The following UBR4 variants were observed in gnomAD, a reference collection of about 807,000 sequenced individuals.
The protein encoded by UBR4 is E3 ubiquitin-protein ligase UBR4.
UBR4 carries 124 observed loss-of-function variants against 575.6 expected under a neutral mutation model. The observed-to-expected ratio is 0.22, with a 90% confidence interval of 0.19 to 0.25. UBR4 has a LOEUF of 0.25. UBR4 is among the 10% of genes least tolerant of loss of function. The probability of loss-of-function intolerance (pLI) is 1.00; values close to 1 mark genes in which losing one functional copy is unlikely to be tolerated. For missense variants in UBR4, 4,818 were observed against 6,478.8 expected (o/e 0.74, Z 8.80); for synonymous variants, 2,455 against 2,473.7 (o/e 0.99, Z 0.22).
chr1:19,203,499 C>CA (rs774026182), intron 1 of UBR4, among the ~76,000 whole-genome samples: 1,860 of 108,604 alleles, frequency 0.017, 32 homozygotes, highest in African/African-American at 0.055. Flanking sequence ...GACTCCAACT[C>CA]AAAAAAAAAA....
rs1192827862 is a variant in UBR4, at chr1:19,198,644, G to A, written c.545C>T (p.Pro182Leu). The A allele has an allele frequency of 1.2e-6, 2 of 1,614,022 alleles. No homozygotes were observed. The highest frequency in any genetic ancestry group is 2.7e-5 in the African/African-American group (2 of 74,898). The part of the protein sequence containing the change: ...DQKELASPVS[P>L]ELRQKEVQMN... Reference sequence around the variant, plus strand: ...CTGTACCTCCTTTTGCCTCAACTCAGGGCTTACTGGTGAGGCCAGCTCTTT... The same window carrying A: ...CTGTACCTCCTTTTGCCTCAACTCAAGGCTTACTGGTGAGGCCAGCTCTTT... Residue 182 changes from proline to leucine, a missense_variant, in exon 5 of 106, where the codon CCT becomes CTT. Pro to Leu is a moderately conservative substitution (Grantham distance 98). Transcript: ENST00000375254.
At chr1:19,105,293 G>C (rs540472441) in intron 84 of UBR4, 104 bp from the exon 85 acceptor site, 4 of 1,355,378 alleles carry the variant, frequency 3.0e-6, no homozygotes, top group South Asian at 1.4e-5. Flanking sequence ...TCTGCTGTCT[G>C]TCTCTCCTGC....
At chr1:19,201,609 G>A in intron 2 of UBR4, 109 bp downstream of exon 2, 3 of 914,564 alleles carry the variant, frequency 3.3e-6, no homozygotes, top group Non-Finnish European at 5.0e-6. Flanking sequence ...GCTTAGGAGT[G>A]CTAAAACCTA....
At position 19,110,592 on chromosome 1, in the gene UBR4, C is replaced by T. The variant is rs775389826; in HGVS notation, c.11893-128G>A. ...CAAAGGACAGACGGAGACCCTTGTGCTCCAGGCTCTTCCCTGGGAAAACCA... is the reference window on the plus strand; with the variant it reads ...CAAAGGACAGACGGAGACCCTTGTGTTCCAGGCTCTTCCCTGGGAAAACCA... On this transcript the variant is annotated intron_variant, in intron 79 of 105. Transcript: ENST00000375254. The surrounding 1 kb of genome is among the most constrained non-coding windows in gnomAD (Gnocchi z 4.5). 5.3e-6 allele frequency: 7 copies of T among 1,331,010 alleles called. No homozygotes were observed. Among genetic ancestry groups the T allele is most frequent in the African/African-American group, 1.4e-5 (1 of 69,304 alleles). The allele number at this position is 1,331,010 out of a possible 1,614,324, so 82.4% of individuals were successfully genotyped here. A position where few individuals can be genotyped will look rare whatever the true frequency, so the allele number is the denominator to read the frequency against.
intron 81 of UBR4, among the ~76,000 whole-genome samples, chr1:19,108,542 T>A (rs1274989356): frequency 6.6e-6 from 1 of 152,184 alleles, no homozygotes; most frequent in African/African-American, 2.4e-5. Context: ...AATAGATTAG[T>A]ACCCAAGAGT....
In UBR4 at chr1:19,144,037, T is replaced by G; in HGVS notation, c.8122A>C (p.Arg2708=). 1 of 1,614,136 alleles carries G rather than the reference T, an allele frequency of 6.2e-7. No homozygotes were observed. Among genetic ancestry groups the G allele is most frequent in the Non-Finnish European group, 8.5e-7 (1 of 1,179,970 alleles). ...AAAGTCACATGTCTCCGTTTGTTCC[T>G]GGGCCTTAGGACTCGAATTAGAGCT... is the stretch of plus-strand genomic sequence containing the variant. ...KQALIRVLRP[R]NKRRHVTLPS... is the part of the protein sequence containing the mutation. The change falls in exon 55 of 106, where the codon AGG becomes CGG. Residue 2708 remains arginine, a synonymous_variant. Transcript: ENST00000375254.
chr1:19,078,102 C>T (rs1172484571), intron 103 of UBR4, 36 bp from the exon 104 acceptor site: 3 of 1,602,584 alleles, frequency 1.9e-6, no homozygotes, highest in Admixed American at 3.4e-5. Flanking sequence ...ACATGAAGTC[C>T]CTAGGAGGAT....
chr1:19,178,080 G>A (rs1267686177), intron 18 of UBR4, among the ~76,000 whole-genome samples: 1 of 152,072 alleles, frequency 6.6e-6, no homozygotes, highest in African/African-American at 2.4e-5. Context: ...CCACAAAAAT[G>A]TTGCTATTGT....
In UBR4 at chr1:19,151,721, G is replaced by T. The variant is rs61759875; in HGVS notation, c.7135C>A (p.Leu2379Met). Residue 2379 changes from leucine (L) to methionine (M), a missense_variant, in exon 48 of 106, where the codon CTG becomes ATG. By Grantham distance (15) the Leu-to-Met change is conservative. Coordinates refer to ENST00000375254, the MANE Select transcript of UBR4 (RefSeq NM_020765.3). ...AAGTCAAACCAGCGTGAGCGACTCA[G>T]GTTGAGCTGCATAGTTCTGCCGAAG... ...EIFGRTMQLN[L>M]SRSRWFDFPF... The T allele has an allele frequency of 4.0e-5, 64 of 1,614,082 alleles. No individual in the cohort carries two copies. The highest frequency in any genetic ancestry group is 5.3e-5 in the Non-Finnish European group (63 of 1,180,036).
At chr1:19,101,715 G>A (rs2078653461) in intron 87 of UBR4, 74 bp from the exon 88 acceptor site, 2 of 1,551,872 alleles carry the variant, frequency 1.3e-6, no homozygotes, top group African/African-American at 1.4e-5. Context: ...TCTAACTGAA[G>A]TACCATCACT....
chr1:19,199,880 C>A, intron 2 of UBR4, 126 bp from the exon 3 acceptor site: 1 of 815,740 alleles, frequency 1.2e-6, no homozygotes, highest in East Asian at 2.7e-5. Flanking sequence ...GAGCCAAAAA[C>A]CCAAGGGGTA....
At position 19,199,782 on chromosome 1, in the gene UBR4, T is replaced by C. The variant is rs368272630; in HGVS notation, c.275-28A>G. ...GAGAAAGTAATAAACATTACTCAATTTCAGACTGCTCAGCGTTGGTCAATA... is the reference window on the plus strand; with the variant it reads ...GAGAAAGTAATAAACATTACTCAATCTCAGACTGCTCAGCGTTGGTCAATA... On this transcript the variant is annotated intron_variant, in intron 2 of 105. Coordinates refer to ENST00000375254, the MANE Select transcript of UBR4 (RefSeq NM_020765.3). 5.6e-5 allele frequency: 89 copies of C among 1,589,778 alleles called. No individual in the cohort carries two copies. The African/African-American group carries it at 1.1e-3, about 20-fold the overall frequency.
chr1:19,150,872 G>C (rs2085585723), intron 48 of UBR4, 79 bp from the exon 49 acceptor site: 1 of 1,385,424 alleles, frequency 7.2e-7, no homozygotes, highest in South Asian at 1.2e-5. Flanking sequence ...AGAACAGTTG[G>C]AGCAAAGAAG....
chr1:19,172,753 G>GA (rs1461378419), intron 25 of UBR4, 111 bp downstream of exon 25: 11 of 1,123,628 alleles, frequency 9.8e-6, no homozygotes, highest in Non-Finnish European at 1.4e-5. Flanking sequence ...TATACGTGGG[G>GA]AAAAAAACCC....
Position 19,100,354 on chromosome 1 carries a change from A to G in UBR4, c.13221+22T>C. On this transcript the variant is annotated intron_variant, in intron 89 of 105. Transcript: ENST00000375254. This position sits in a 1 kb window ranked among gnomAD's most constrained non-coding sequence, Gnocchi z 4.2. Reference sequence around the variant, plus strand: ...GAAGCCCCTAATCGTAAACGTGGGCAGCACTGTCCTATGGTCATTACCTCC... The same window carrying G: ...GAAGCCCCTAATCGTAAACGTGGGCGGCACTGTCCTATGGTCATTACCTCC... The G allele has an allele frequency of 1.9e-6, 3 of 1,613,472 alleles. No individual in the cohort carries two copies. The highest frequency in any genetic ancestry group is 1.8e-4 in the Middle Eastern group (1 of 5,704).
chr1:19,165,407 G>A, intron 30 of UBR4, 58 bp from the exon 31 acceptor site: 1 of 1,431,386 alleles, frequency 7.0e-7, no homozygotes, highest in Middle Eastern at 1.8e-4. Flanking sequence ...CACATAAAAA[G>A]CATCCTTTCT....
At chr1:19,137,408 T>G (rs1202486253) in intron 60 of UBR4, among the ~76,000 whole-genome samples, 2 of 152,204 alleles carry the variant, frequency 1.3e-5, no homozygotes, top group Admixed American at 6.5e-5. Context: ...AGGTTTTTCT[T>G]CTATTTCTCT....
At chr1:19,156,957 C>T (rs200237998) in intron 40 of UBR4, 32 bp from the exon 41 acceptor site, 2 of 1,602,126 alleles carry the variant, frequency 1.2e-6, no homozygotes, top group East Asian at 2.2e-5. Context: ...TTTATTCCTA[C>T]TCCTGGTCCT....
intron 11 of UBR4, among the ~76,000 whole-genome samples, chr1:19,188,141 G>C (rs935941803): frequency 6.6e-6 from 1 of 151,920 alleles, no homozygotes; most frequent in African/African-American, 2.4e-5. Context: ...CAAGGCTAAT[G>C]GGTTATACAA....
Sources: allele counts gnomAD v4.1 joint callset (sites outside exome capture counted in the v4.1 genomes callset), GRCh38; gene constraint gnomAD v4.1.1; non-coding constraint Gnocchi (gnomAD v3.1); transcripts MANE v1.5; gene names NCBI Gene and HGNC (gene_info 2026-07-23, HGNC 2026-07-21).